The following SNX13 variants were observed in gnomAD, a reference collection of about 807,000 sequenced individuals.
SNX13 encodes the protein sorting nexin-13.
A neutral mutation model predicts 133.6 loss-of-function variants in SNX13; 45 were observed. That is an observed-to-expected ratio of 0.34 (90% confidence interval 0.27 to 0.43). The LOEUF is 0.43. SNX13 is among the 20% of genes least tolerant of loss of function. The probability of loss-of-function intolerance (pLI) is 1.00; values close to 1 mark genes in which losing one functional copy is unlikely to be tolerated. For synonymous variants in SNX13, 414 were observed against 373.9 expected (o/e 1.11, Z -1.24); for missense variants, 1,032 against 1,145.1 (o/e 0.90, Z 1.43).
intron 24 of SNX13, 33 bp downstream of exon 24, chr7:17,798,657 A>C: frequency 6.8e-7 from 1 of 1,473,964 alleles, no homozygotes; most frequent in South Asian, 1.2e-5. Flanking sequence ...ACTCTGTACT[A>C]CCTGAAAGAA....
rs576050322 is a variant in SNX13, at chr7:17,829,078, T to A, written c.1635+932A>T. ...ATTCTACCACAGATTTGCTTTAGTG[T>A]TTTACTAAAGGTTATAATACAGTAA... On this transcript the variant is annotated intron_variant, in intron 16 of 25. Coordinates refer to ENST00000428135, the MANE Select transcript of SNX13 (RefSeq NM_015132.5). 2.6e-5 allele frequency among the ~76,000 whole-genome samples: 4 copies of A among 151,694 alleles called. No individual in the cohort carries two copies. In the South Asian group the frequency reaches 8.3e-4, roughly 31 times the overall value.
intron 9 of SNX13, among the ~76,000 whole-genome samples, chr7:17,867,803 C>T (rs1793584295): frequency 6.6e-6 from 1 of 151,580 alleles, no homozygotes; most frequent in South Asian, 2.1e-4. Context: ...CAAAGTATTC[C>T]CAGAAGGTGG....
intron 5 of SNX13, among the ~76,000 whole-genome samples, chr7:17,885,061 C>A (rs989549911): frequency 6.6e-6 from 1 of 152,060 alleles, no homozygotes; most frequent in African/African-American, 2.4e-5. Flanking sequence ...CTCATAGTAG[C>A]ATTATTCATA....
At chr7:17,797,046 GAA>G (rs1037910520) in intron 24 of SNX13, 107 bp from the exon 25 acceptor site, 13 of 855,372 alleles carry the variant, frequency 1.5e-5, no homozygotes, top group African/African-American at 6.9e-5. Context: ...TGAACAGAAA[GAA>G]AAGTTTCTGA....
chr7:17,875,537 C>T lies in SNX13; in HGVS notation c.607G>A (p.Glu203Lys), dbSNP rs373105200. ...LVDTFFEVEV[E>K]MEKEVCRDLV... Reference sequence around the variant, plus strand: ...TCACGGCAAACCTCCTTCTCCATTTCAACTTCAACTTCAAAGAAGGTATCT... The same window carrying T: ...TCACGGCAAACCTCCTTCTCCATTTTAACTTCAACTTCAAAGAAGGTATCT... Residue 203 changes from glutamate (E) to lysine (K), a missense_variant, in exon 7 of 26, where the codon GAA becomes AAA. By Grantham distance (56) the Glu-to-Lys change is moderately conservative. Transcript: ENST00000428135. 1 of 1,610,368 alleles carries T rather than the reference C, an allele frequency of 6.2e-7. No individual in the cohort carries two copies. Among genetic ancestry groups the T allele is most frequent in the Non-Finnish European group, 8.5e-7 (1 of 1,179,298 alleles).
Position 17,938,688 on chromosome 7 carries a change from C to T in SNX13, c.12+1596G>A, listed in dbSNP as rs1177124446. ...AATACAGAAGCTGAGAAAGCTCCAT[C>T]TTTCCAAATCATTTTACTGGCAGAC... On this transcript the variant is annotated intron_variant, in intron 1 of 25. Transcript: ENST00000428135. Among the ~76,000 whole-genome samples the T allele has an allele frequency of 3.3e-5, 5 of 152,198 alleles. No individual in the cohort carries two copies. In the South Asian group the frequency reaches 1.0e-3, roughly 31 times the overall value.
chr7:17,905,805 C>G (rs926203156), intron 1 of SNX13, among the ~76,000 whole-genome samples: 2 of 152,112 alleles, frequency 1.3e-5, no homozygotes, highest in Non-Finnish European at 2.9e-5. Flanking sequence ...TACACTTTTA[C>G]AGATTTTGTC....
rs202164717 is a variant in SNX13, at chr7:17,824,007, AT to A, written c.1705+2014del. On this transcript the variant is annotated intron_variant, in intron 17 of 25. Coordinates refer to ENST00000428135, the MANE Select transcript of SNX13 (RefSeq NM_015132.5). ...CAATAGGAAGAATAATGAGGTAATT[AT>A]TTAAAAAAAATGCAGAAGACATCAA... Among the ~76,000 whole-genome samples the A allele has an allele frequency of 3.7e-4, 57 of 152,220 alleles. 1 individual carries two copies. The East Asian group carries it at 9.9e-3, about 26-fold the overall frequency.
chr7:17,858,915 A>G (rs1792272888), intron 9 of SNX13, among the ~76,000 whole-genome samples: 1 of 152,134 alleles, frequency 6.6e-6, no homozygotes, highest in Non-Finnish European at 1.5e-5. Context: ...CTGTATTTTA[A>G]AAATCAATCT....
intron 13 of SNX13, 132 bp downstream of exon 13, chr7:17,839,675 A>G: frequency 1.5e-6 from 1 of 667,088 alleles, no homozygotes; most frequent in Non-Finnish European, 2.3e-6. Flanking sequence ...GAGGATACAG[A>G]CAGACAGGAA....
In SNX13 at chr7:17,807,150, T is replaced by C. The variant is rs569321808; in HGVS notation, c.2065-3570A>G. Among the ~76,000 whole-genome samples, 7 of 151,722 alleles carry C rather than the reference T, an allele frequency of 4.6e-5. No individual in the cohort carries two copies. In the East Asian group the frequency reaches 1.4e-3, roughly 30 times the overall value. On this transcript the variant is annotated intron_variant, in intron 20 of 25. Coordinates refer to ENST00000428135, the MANE Select transcript of SNX13 (RefSeq NM_015132.5). Reference sequence around the variant, plus strand: ...AGAGGGCTGAAGCCAGGAAGCCAAGTGGTCTAGCTCAGCAGATCCCACCCC... The same window carrying C: ...AGAGGGCTGAAGCCAGGAAGCCAAGCGGTCTAGCTCAGCAGATCCCACCCC...
intron 20 of SNX13, among the ~76,000 whole-genome samples, chr7:17,808,910 A>C (rs1785644629): frequency 6.6e-6 from 1 of 152,206 alleles, no homozygotes; most frequent in African/African-American, 2.4e-5. Context: ...AAATGCAGAG[A>C]GATTTTGTCA....
chr7:17,867,620 A>C lies in SNX13; in HGVS notation c.837+787T>G, dbSNP rs543854971. ...ATCCCATCTCAAAAATAAATAAATA[A>C]AAATAAAGTAAAAAAAAAAATAAAA... On this transcript the variant is annotated intron_variant, in intron 9 of 25. Coordinates refer to ENST00000428135, the MANE Select transcript of SNX13 (RefSeq NM_015132.5). Among the ~76,000 whole-genome samples, 8 of 151,104 alleles carry C rather than the reference A, an allele frequency of 5.3e-5. No homozygotes were observed. In the East Asian group the frequency reaches 9.7e-4, roughly 18 times the overall value.
intron 1 of SNX13, among the ~76,000 whole-genome samples, chr7:17,921,180 T>C (rs1800087825): frequency 6.6e-6 from 1 of 152,150 alleles, no homozygotes; most frequent in African/African-American, 2.4e-5. Context: ...TCTATCAAGG[T>C]CTGGACTGAC....
chr7:17,936,262 C>T (rs1267108914), intron 1 of SNX13, among the ~76,000 whole-genome samples: 1 of 152,170 alleles, frequency 6.6e-6, no homozygotes, highest in Non-Finnish European at 1.5e-5. Context: ...AACTACAAAA[C>T]CTTTTACTTA....
At chr7:17,821,746 A>C (rs1787314498) in intron 17 of SNX13, 98 bp from the exon 18 acceptor site, 2 of 1,332,934 alleles carry the variant, frequency 1.5e-6, no homozygotes, top group Admixed American at 2.4e-5. Flanking sequence ...TGAAGAAAAC[A>C]AAAAAGATAA....
At chr7:17,843,997 T>G (rs1216069820) in intron 12 of SNX13, among the ~76,000 whole-genome samples, 1 of 151,892 alleles carries the variant, frequency 6.6e-6, no homozygotes, top group Non-Finnish European at 1.5e-5. Flanking sequence ...TAAAGCTTTT[T>G]AACTTTACAA....
At chr7:17,880,090 C>A (rs1277819341) in intron 5 of SNX13, 3 of 152,170 alleles carry the variant, frequency 2.0e-5, no homozygotes, top group Non-Finnish European at 4.4e-5. Context: ...AGGAATAAGA[C>A]TTTTTCTTTG....
chr7:17,826,762 T>C (rs1787956883), intron 16 of SNX13, among the ~76,000 whole-genome samples: 2 of 152,118 alleles, frequency 1.3e-5, no homozygotes, highest in Admixed American at 1.3e-4. Flanking sequence ...CTTTTATAAC[T>C]ACGGCCTTTG....
Sources: allele counts gnomAD v4.1 joint callset (sites outside exome capture counted in the v4.1 genomes callset), GRCh38; gene constraint gnomAD v4.1.1; transcripts MANE v1.5; gene names NCBI Gene and HGNC (gene_info 2026-07-23, HGNC 2026-07-21).